The following ZNF804A variants were observed in gnomAD, a reference collection of about 807,000 sequenced individuals.
The protein encoded by ZNF804A is zinc finger protein 804A.
In ZNF804A, 2 loss-of-function variants were observed where a neutral mutation model predicts 16.5. That is an observed-to-expected ratio of 0.12 (90% CI 0.05 to 0.38). ZNF804A has a LOEUF of 0.38. Ranked by LOEUF, ZNF804A falls within the 10% of genes least tolerant of loss-of-function variation. The probability of loss-of-function intolerance (pLI) is 0.99; values close to 1 mark genes in which losing one functional copy is unlikely to be tolerated. For missense variants in ZNF804A, 1,473 were observed against 1,390.7 expected (o/e 1.06, Z -0.94); for synonymous variants, 534 against 489.6 (o/e 1.09, Z -1.20).
intron 1 of ZNF804A, among the ~76,000 whole-genome samples, chr2:184,672,031 G>A (rs1237191734): frequency 6.6e-6 from 1 of 152,162 alleles, no homozygotes; most frequent in Non-Finnish European, 1.5e-5. Flanking sequence ...TTCAGAACAG[G>A]GGAAGCTTAA....
intron 2 of ZNF804A, among the ~76,000 whole-genome samples, chr2:184,881,279 C>T (rs1054169590): frequency 2.6e-5 from 4 of 151,522 alleles, no homozygotes; most frequent in Non-Finnish European, 5.9e-5. Flanking sequence ...GTGAAGAAAC[C>T]AAGTCTGTCA....
chr2:184,653,392 G>C (rs1456003435), intron 1 of ZNF804A, among the ~76,000 whole-genome samples: 1 of 152,064 alleles, frequency 6.6e-6, no homozygotes. Context: ...AATCCATATG[G>C]GTCTGCAGCA....
intron 1 of ZNF804A, among the ~76,000 whole-genome samples, chr2:184,809,766 G>A (rs1288681595): frequency 6.6e-6 from 1 of 151,758 alleles, no homozygotes; most frequent in African/African-American, 2.4e-5. Flanking sequence ...ATTTATATGT[G>A]TATATATGTT....
chr2:184,917,765 T>C (rs1685473434), intron 2 of ZNF804A, among the ~76,000 whole-genome samples: 1 of 151,296 alleles, frequency 6.6e-6, no homozygotes, highest in Non-Finnish European at 1.5e-5. Context: ...TTGGAATGTA[T>C]CCCATGCAGA....
At chr2:184,645,409 G>T (rs1476807130) in intron 1 of ZNF804A, among the ~76,000 whole-genome samples, 1 of 152,128 alleles carries the variant, frequency 6.6e-6, no homozygotes, top group Admixed American at 6.5e-5. Context: ...CTAAAGATAT[G>T]ATGACCAAAA....
chr2:184,724,204 A>T (rs1693365514), intron 1 of ZNF804A, among the ~76,000 whole-genome samples: 1 of 151,742 alleles, frequency 6.6e-6, no homozygotes, highest in Admixed American at 6.6e-5. Context: ...CACATTAATA[A>T]ACTGTGCATA....
intron 1 of ZNF804A, among the ~76,000 whole-genome samples, chr2:184,704,644 G>GA (rs1427203032): frequency 1.3e-5 from 2 of 152,188 alleles, no homozygotes. Context: ...TTGAACTTTG[G>GA]TTAATAGAAT....
intron 1 of ZNF804A, among the ~76,000 whole-genome samples, chr2:184,735,845 A>G (rs192269359): frequency 6.6e-6 from 1 of 152,328 alleles, no homozygotes; most frequent in Non-Finnish European, 1.5e-5. Flanking sequence ...AGAACTAAGC[A>G]TGTAGAAGTT....
At chr2:184,861,851 A>G (rs1695805115) in intron 1 of ZNF804A, among the ~76,000 whole-genome samples, 1 of 152,136 alleles carries the variant, frequency 6.6e-6, no homozygotes, top group African/African-American at 2.4e-5. Flanking sequence ...TGTCTACAAA[A>G]TTTATTATAC....
intron 1 of ZNF804A, among the ~76,000 whole-genome samples, chr2:184,602,201 G>A (rs768854062): frequency 2.6e-5 from 4 of 151,826 alleles, no homozygotes; most frequent in Admixed American, 6.6e-5. Context: ...CTATTTATGA[G>A]CTTTTAAATA....
intron 1 of ZNF804A, among the ~76,000 whole-genome samples, chr2:184,777,691 A>G (rs1202788508): frequency 6.6e-6 from 1 of 151,728 alleles, no homozygotes; most frequent in Non-Finnish European, 1.5e-5. Context: ...CCTTTAATTT[A>G]TAGCTTCACC....
At chr2:184,712,975 C>T (rs1444002837) in intron 1 of ZNF804A, among the ~76,000 whole-genome samples, 1 of 151,658 alleles carries the variant, frequency 6.6e-6, no homozygotes, top group Non-Finnish European at 1.5e-5. Context: ...TTCTTTAAAA[C>T]AATTATATTG....
At chr2:184,754,137 C>T (rs763253877) in intron 1 of ZNF804A, among the ~76,000 whole-genome samples, 25 of 151,830 alleles carry the variant, frequency 1.6e-4, no homozygotes, top group Middle Eastern at 3.4e-3. Context: ...TGTCCCCAGG[C>T]TCATGTTCTG....
At chr2:184,762,211 CTTT>C (rs35871982) in intron 1 of ZNF804A, among the ~76,000 whole-genome samples, 3 of 137,938 alleles carry the variant, frequency 2.2e-5, no homozygotes, top group Admixed American at 7.3e-5. Flanking sequence ...CTTTTCTTTT[CTTT>C]TTTTTTTTTG....
intron 1 of ZNF804A, among the ~76,000 whole-genome samples, chr2:184,685,498 A>C (rs1692614053): frequency 6.6e-6 from 1 of 152,060 alleles, no homozygotes; most frequent in Non-Finnish European, 1.5e-5. Flanking sequence ...GCCCACGTCT[A>C]GGAAAAATGA....
At chr2:184,657,160 C>T (rs979178294) in intron 1 of ZNF804A, among the ~76,000 whole-genome samples, 2 of 152,110 alleles carry the variant, frequency 1.3e-5, no homozygotes, top group Non-Finnish European at 2.9e-5. Flanking sequence ...TAATGGCTCA[C>T]GGCAGGCCTT....
At chr2:184,776,537 TTC>T (rs541308362) in intron 1 of ZNF804A, among the ~76,000 whole-genome samples, 1 of 151,490 alleles carries the variant, frequency 6.6e-6, no homozygotes, top group East Asian at 1.9e-4. Flanking sequence ...TGTGTAATTA[TTC>T]TCTCTGTCAG....
At chr2:184,884,178 A>G (rs1344641896) in intron 2 of ZNF804A, among the ~76,000 whole-genome samples, 1 of 152,166 alleles carries the variant, frequency 6.6e-6, no homozygotes, top group Non-Finnish European at 1.5e-5. Context: ...TGAGAGCCAA[A>G]TCATGAACAC....
chr2:184,728,648 C>A (rs1693462525), intron 1 of ZNF804A, among the ~76,000 whole-genome samples: 1 of 151,846 alleles, frequency 6.6e-6, no homozygotes, highest in African/African-American at 2.4e-5. Context: ...TGTTATAATT[C>A]TCTGATTTCA....
Sources: gnomAD v4.1 joint callset for allele counts (sites outside exome capture counted in the v4.1 genomes callset) on GRCh38, gnomAD v4.1.1 for gene constraint, MANE v1.5 for transcripts, NCBI Gene and HGNC (gene_info 2026-07-23, HGNC 2026-07-21) for gene names.